The following LAP3 variants were observed in gnomAD, a reference collection of about 807,000 sequenced individuals.
LAP3 encodes leucine aminopeptidase 3.
LAP3 carries 46 observed loss-of-function variants against 58.8 expected under a neutral mutation model. The ratio of observed to expected loss-of-function variants is 0.78; its 90% confidence interval spans 0.62 to 1.00. The LOEUF (loss-of-function observed/expected upper bound fraction) is 1.00. LAP3 is among the 50% of genes least tolerant of loss of function. LAP3 has a pLI of 0.00. For missense variants in LAP3, 615 were observed against 659.1 expected (o/e 0.93, Z 0.73); for synonymous variants, 257 against 237.7 (o/e 1.08, Z -0.75).
chr4:17,585,023 C>G lies in LAP3; in HGVS notation c.591C>G (p.Asn197Lys), dbSNP rs1209990443. ...QKGVLFASGQNLARQLMETPA... is the reference protein window; with the variant it reads ...QKGVLFASGQKLARQLMETPA... ...GAGTCCTGTTTGCTTCTGGGCAGAA[C>G]TTGGCACGCCAATTGATGGAGACGC... The change falls in exon 6 of 13, where the codon AAC (asparagine) becomes AAG (lysine). Residue 197 changes from asparagine to lysine, a missense_variant. By Grantham distance (94) the Asn-to-Lys change is moderately conservative (BLOSUM62 0). Transcript: ENST00000226299. 3 of 1,614,030 alleles carry G rather than the reference C, an allele frequency of 1.9e-6. No homozygotes were observed.
rs545754707 is a variant in LAP3 at position 17,600,490 on chromosome 4, A to T, written c.1180+1932A>T. Among the ~76,000 whole-genome samples the T allele has an allele frequency of 2.0e-5, 3 of 152,320 alleles. No homozygotes were observed. In the East Asian group the frequency reaches 5.8e-4, roughly 29 times the overall value. On this transcript the variant is annotated intron_variant, in intron 10 of 12. Coordinates refer to ENST00000226299, the MANE Select transcript of LAP3 (RefSeq NM_015907.3). ...GAATCACAGAGGATAGATACATCAG[A>T]TACGTCAAGTTCTACAATTTAAACA... is the stretch of plus-strand genomic sequence containing the variant.
At chr4:17,585,244 A>G in intron 6 of LAP3, 108 bp downstream of exon 6, 1 of 906,148 alleles carries the variant, frequency 1.1e-6, no homozygotes, top group African/African-American at 1.7e-5. Context: ...GAGACCAGAG[A>G]TTTGAGATGA....
chr4:17,591,998 G>T (rs1713700026), intron 7 of LAP3, among the ~76,000 whole-genome samples: 1 of 152,036 alleles, frequency 6.6e-6, no homozygotes, highest in Non-Finnish European at 1.5e-5. Context: ...GCATACACCT[G>T]TAATCTCAGC....
At chr4:17,582,628 A>G (rs1553881062) in intron 4 of LAP3, 1 of 396,964 alleles carries the variant, frequency 2.5e-6, no homozygotes, top group Non-Finnish European at 4.6e-6. Flanking sequence ...TGGGTGTTTT[A>G]CTACCATTTG....
intron 7 of LAP3, among the ~76,000 whole-genome samples, chr4:17,592,776 T>G (rs1713719735): frequency 6.6e-6 from 1 of 152,266 alleles, no homozygotes; most frequent in East Asian, 1.9e-4. Flanking sequence ...TCTTTGTGGT[T>G]TAATTTGCAT....
Position 17,596,987 on chromosome 4 carries a change from A to G in LAP3, c.989-59A>G, listed in dbSNP as rs1045048407. 214 of 1,540,268 alleles carry G rather than the reference A, an allele frequency of 1.4e-4. 1 individual carries two copies. The highest frequency in any genetic ancestry group is 1.7e-4 in the Non-Finnish European group (193 of 1,116,042). On this transcript the variant is annotated intron_variant, in intron 8 of 12. Coordinates refer to ENST00000226299, the MANE Select transcript of LAP3 (RefSeq NM_015907.3). ...TGGCTCACAGGTGGCCTCTTGTCCC[A>G]TAGGTGGCATGTTTGGACCCAGTAT...
At chr4:17,589,820 C>G (rs1417483216) in intron 7 of LAP3, among the ~76,000 whole-genome samples, 1 of 152,204 alleles carries the variant, frequency 6.6e-6, no homozygotes, top group African/African-American at 2.4e-5. Context: ...GTTAAAGATT[C>G]TCCACGAGGT....
intron 7 of LAP3, among the ~76,000 whole-genome samples, chr4:17,594,050 G>C (rs536359218): frequency 6.1e-4 from 93 of 152,290 alleles, no homozygotes; most frequent in African/African-American, 2.1e-3. Flanking sequence ...CCGTTAAGGA[G>C]ACCTGACAAA....
In LAP3 at chr4:17,580,184, ATT is replaced by A. The variant is rs1553880888; in HGVS notation, c.218+258_218+259del. 6.0e-3 allele frequency among the ~76,000 whole-genome samples: 242 copies of A among 40,002 alleles called. 10 individuals are homozygous for A. Among genetic ancestry groups the A allele is most frequent in the African/African-American group, 0.03 (228 of 7,600 alleles). 26.2% of individuals were successfully genotyped at this position (40,002 alleles called of 152,430 possible). On this transcript the variant is annotated intron_variant, in intron 2 of 12. Transcript: ENST00000226299. Reference sequence around the variant, plus strand: ...GGCTTTCATATATATATATATATGTATTTTTTTTTTTTTTCAGTAGAGTTGGG... The same window carrying A: ...GGCTTTCATATATATATATATATGTATTTTTTTTTTTTCAGTAGAGTTGGG...
intron 7 of LAP3, among the ~76,000 whole-genome samples, chr4:17,595,048 C>T (rs1173449870): frequency 2.0e-5 from 3 of 151,908 alleles, no homozygotes; most frequent in African/African-American, 7.2e-5. Flanking sequence ...CCTGTAATCC[C>T]AGCACTTTGG....
intron 7 of LAP3, among the ~76,000 whole-genome samples, chr4:17,592,380 G>A (rs1194767199): frequency 6.6e-6 from 1 of 152,090 alleles, no homozygotes; most frequent in Non-Finnish European, 1.5e-5. Flanking sequence ...TATCTATGTT[G>A]TTGGTCATGT....
At position 17,593,609 on chromosome 4, in the gene LAP3, G is replaced by GTTTTTTTTTTTTTT. The variant is rs55676326; in HGVS notation, c.864-1794_864-1781dup. ...CATATACATTTTAGAATCTGCTTGG[G>GTTTTTTTTTTTTTT]TTTTTTTTTTTTTTTTTTTTGAGAC... On this transcript the variant is annotated intron_variant, in intron 7 of 12. Coordinates refer to ENST00000226299, the MANE Select transcript of LAP3 (RefSeq NM_015907.3). 3.0e-4 allele frequency among the ~76,000 whole-genome samples: 26 copies of GTTTTTTTTTTTTTT among 87,598 alleles called. 5 individuals carry two copies. Among genetic ancestry groups the GTTTTTTTTTTTTTT allele is most frequent in the South Asian group, 8.4e-4 (2 of 2,370 alleles). 57.5% of individuals were successfully genotyped at this position (87,598 alleles called of 152,430 possible).
chr4:17,583,760 C>A, intron 5 of LAP3, 118 bp downstream of exon 5: 1 of 1,032,438 alleles, frequency 9.7e-7, no homozygotes, highest in Non-Finnish European at 1.5e-6. Context: ...TGGCTGTGAC[C>A]TCCCCATTGC....
intron 6 of LAP3, among the ~76,000 whole-genome samples, chr4:17,586,415 GCTTGATAAAAT>G (rs1713516179): frequency 6.6e-6 from 1 of 152,118 alleles, no homozygotes; most frequent in Non-Finnish European, 1.5e-5. Context: ...AGTACTTAGA[GCTTGATAAAAT>G]TTCTGGAATG....
chr4:17,586,823 A>AG (rs1713528067), intron 6 of LAP3, among the ~76,000 whole-genome samples: 1 of 152,142 alleles, frequency 6.6e-6, no homozygotes, highest in Admixed American at 6.5e-5. Flanking sequence ...TATGGAGTCT[A>AG]GGCCAGGCAT....
intron 5 of LAP3, 73 bp downstream of exon 5, chr4:17,583,715 G>T: frequency 6.4e-7 from 1 of 1,562,350 alleles, no homozygotes; most frequent in Non-Finnish European, 8.8e-7. Flanking sequence ...GATATGAGCT[G>T]CCTGCTTTTC....
chr4:17,607,303 C>A, intron 12 of LAP3, 97 bp from the exon 13 acceptor site: 1 of 999,892 alleles, frequency 1.0e-6, no homozygotes, highest in Non-Finnish European at 1.5e-6. Context: ...ACAAGCTTGA[C>A]TCTTGTTCTT....
At chr4:17,602,319 AG>A (rs1325170371) in intron 10 of LAP3, among the ~76,000 whole-genome samples, 1 of 152,206 alleles carries the variant, frequency 6.6e-6, no homozygotes, top group East Asian at 1.9e-4. Flanking sequence ...CAGATGGGCC[AG>A]GCAAATAACA....
At chr4:17,582,641 C>T (rs1254381304) in intron 4 of LAP3, 4 of 359,046 alleles carry the variant, frequency 1.1e-5, no homozygotes, top group Non-Finnish European at 2.1e-5. Flanking sequence ...ACCATTTGTT[C>T]GCTCTTGTCA....
Sources: gnomAD v4.1 joint callset for allele counts (sites outside exome capture counted in the v4.1 genomes callset) on GRCh38, gnomAD v4.1.1 for gene constraint, MANE v1.5 for transcripts, NCBI Gene and HGNC (gene_info 2026-07-23, HGNC 2026-07-21) for gene names.